The following GPC6 variants were observed in gnomAD, a reference collection of about 807,000 sequenced individuals.
GPC6 encodes glypican 6.
GPC6 carries 14 observed loss-of-function variants against 55.2 expected under a neutral mutation model. The observed-to-expected ratio is 0.25, with a 90% confidence interval of 0.17 to 0.40. The LOEUF is 0.40. Among genes scored for constraint, GPC6 ranks in the 10% least tolerant of loss-of-function variants. The probability of loss-of-function intolerance (pLI) is 1.00; values close to 1 mark genes in which losing one functional copy is unlikely to be tolerated. For missense variants in GPC6, 641 were observed against 708.5 expected (o/e 0.90, Z 1.08); for synonymous variants, 278 against 259.6 (o/e 1.07, Z -0.68).
At chr13:94,344,380 G>T (rs9301953) in intron 6 of GPC6, among the ~76,000 whole-genome samples, 3 of 152,200 alleles carry the variant, frequency 2.0e-5, no homozygotes, top group African/African-American at 7.2e-5. Flanking sequence ...ACCAAGGAAG[G>T]AGTCTTCCAC....
At chr13:94,226,639 A>T (rs1006172680) in intron 4 of GPC6, among the ~76,000 whole-genome samples, 2 of 152,190 alleles carry the variant, frequency 1.3e-5, no homozygotes, top group African/African-American at 4.8e-5. Context: ...AAACACATAC[A>T]TCACAGTGGC....
intron 6 of GPC6, among the ~76,000 whole-genome samples, chr13:94,313,758 C>T (rs1343786954): frequency 6.6e-6 from 1 of 152,174 alleles, no homozygotes; most frequent in Admixed American, 6.5e-5. Context: ...CTCTTTTCAA[C>T]TCTGGATTAA....
intron 4 of GPC6, among the ~76,000 whole-genome samples, chr13:94,267,193 A>C (rs1811594914): frequency 6.6e-6 from 1 of 152,256 alleles, no homozygotes; most frequent in African/African-American, 2.4e-5. Flanking sequence ...GAAATGGGGA[A>C]GAGACTGGTT....
In GPC6 at chr13:93,476,639, A is replaced by G. The variant is rs1038681873; in HGVS notation, c.161-68624A>G. On this transcript the variant is annotated intron_variant, in intron 1 of 8. Transcript: ENST00000377047. ...TGCTTTTCCAAACTTTCACATTTCT[A>G]TCACTAAATAGCTAACATGTAAAAA... 4.6e-5 allele frequency among the ~76,000 whole-genome samples: 7 copies of G among 152,210 alleles called. 1 individual carries two copies. Among genetic ancestry groups the G allele is most frequent in the Admixed American group, 3.3e-4 (5 of 15,280 alleles).
chr13:94,225,648 A>G lies in GPC6; in HGVS notation c.878-60701A>G, dbSNP rs568871478. Among the ~76,000 whole-genome samples, 20 of 140,144 alleles carry G rather than the reference A, an allele frequency of 1.4e-4. No homozygotes were observed. In the East Asian group the frequency reaches 2.7e-3, roughly 19 times the overall value. 91.9% of individuals were successfully genotyped at this position (140,144 alleles called of 152,430 possible). A position where few individuals can be genotyped will look rare whatever the true frequency, so the allele number is the denominator to read the frequency against. On this transcript the variant is annotated intron_variant, in intron 4 of 8. Transcript: ENST00000377047. ...ATAGATATATGTAAGGTATATATAT[A>G]TGTGTGTGTGTAAAGTATACACATA... is the stretch of plus-strand genomic sequence containing the variant.
chr13:93,522,507 A>G (rs1881460365), intron 1 of GPC6, among the ~76,000 whole-genome samples: 2 of 151,988 alleles, frequency 1.3e-5, no homozygotes, highest in Non-Finnish European at 1.5e-5. Flanking sequence ...CTATGATTAT[A>G]TCCTCTGTTA....
chr13:93,550,960 G>T (rs80164996), intron 2 of GPC6, among the ~76,000 whole-genome samples: 162 of 152,228 alleles, frequency 1.1e-3, no homozygotes, highest in African/African-American at 3.8e-3. Context: ...ATAAACCTAA[G>T]AGTAAGAAAG....
At chr13:94,306,579 T>C (rs1263498186) in intron 6 of GPC6, among the ~76,000 whole-genome samples, 1 of 152,180 alleles carries the variant, frequency 6.6e-6, no homozygotes, top group Non-Finnish European at 1.5e-5. Flanking sequence ...CCCAAATCAA[T>C]GTTACTATCA....
intron 1 of GPC6, among the ~76,000 whole-genome samples, chr13:93,261,788 A>G (rs1383024814): frequency 6.6e-6 from 1 of 152,142 alleles, no homozygotes; most frequent in African/African-American, 2.4e-5. Flanking sequence ...CTGTCTCTTC[A>G]CTTTTGAGGT....
At chr13:94,127,743 G>A (rs1886869784) in intron 4 of GPC6, among the ~76,000 whole-genome samples, 1 of 152,162 alleles carries the variant, frequency 6.6e-6, no homozygotes, top group South Asian at 2.1e-4. Context: ...GGAACTGCTA[G>A]TCAGATGGCC....
intron 1 of GPC6, among the ~76,000 whole-genome samples, chr13:93,380,807 T>A (rs1241041126): frequency 1.3e-5 from 2 of 152,168 alleles, no homozygotes; most frequent in African/African-American, 4.8e-5. Context: ...CTCATTGTCT[T>A]AGATTGACTC....
intron 3 of GPC6, among the ~76,000 whole-genome samples, chr13:93,997,734 AGTT>A (rs748995817): frequency 2.0e-5 from 3 of 152,100 alleles, no homozygotes; most frequent in African/African-American, 2.4e-5. Flanking sequence ...AATTAAAAGG[AGTT>A]GTTGTAGATA....
chr13:93,543,033 T>C (rs967381640), intron 1 of GPC6, among the ~76,000 whole-genome samples: 1 of 152,168 alleles, frequency 6.6e-6, no homozygotes, highest in African/African-American at 2.4e-5. Context: ...TGCTGCCTGA[T>C]CACCGTGGCC....
At chr13:93,683,126 CTATGAGTA>C (rs1301629689) in intron 2 of GPC6, among the ~76,000 whole-genome samples, 6 of 151,564 alleles carry the variant, frequency 4.0e-5, no homozygotes, top group Non-Finnish European at 7.4e-5. Flanking sequence ...TAAGTGGTTC[CTATGAGTA>C]TGTCAGGATT....
intron 1 of GPC6, among the ~76,000 whole-genome samples, chr13:93,333,531 AT>A (rs35057548): frequency 0.038 from 4,996 of 130,542 alleles, 112 homozygotes; most frequent in African/African-American, 0.087. Context: ...ATGCTATTGA[AT>A]TTTTTTTTTT....
chr13:94,256,061 GA>G (rs572143553), intron 4 of GPC6, among the ~76,000 whole-genome samples: 3 of 149,308 alleles, frequency 2.0e-5, no homozygotes, highest in South Asian at 4.3e-4. Context: ...AATCAAAGTG[GA>G]AAAAAAAACA....
At chr13:94,013,106 C>A (rs1050238636) in intron 3 of GPC6, among the ~76,000 whole-genome samples, 4 of 151,854 alleles carry the variant, frequency 2.6e-5, no homozygotes, top group Non-Finnish European at 5.9e-5. Flanking sequence ...ATGATGTGTT[C>A]GACTGGGTAA....
At chr13:94,315,388 G>C (rs1445248930) in intron 6 of GPC6, among the ~76,000 whole-genome samples, 2 of 152,174 alleles carry the variant, frequency 1.3e-5, no homozygotes, top group African/African-American at 2.4e-5. Context: ...GCTACATGTG[G>C]TCATCACCCT....
At chr13:93,522,479 A>G (rs12875340) in intron 1 of GPC6, among the ~76,000 whole-genome samples, 56,267 of 151,920 alleles carry the variant, frequency 0.37, 12,857 homozygotes, top group Middle Eastern at 0.57. Context: ...ACAAATGTTT[A>G]TCTTACATAT....
Sources: allele counts gnomAD v4.1 joint callset (sites outside exome capture counted in the v4.1 genomes callset), GRCh38; gene constraint gnomAD v4.1.1; transcripts MANE v1.5; gene names NCBI Gene and HGNC (gene_info 2026-07-23, HGNC 2026-07-21).